The following DPP10 variants were observed in gnomAD, a reference collection of about 807,000 sequenced individuals.
DPP10 encodes inactive dipeptidyl peptidase 10.
In DPP10, 33 loss-of-function variants were observed where a neutral mutation model predicts 120.9. That is an observed-to-expected ratio of 0.27 (90% CI 0.21 to 0.37). DPP10 has a LOEUF of 0.37. Among genes scored for constraint, DPP10 ranks in the 10% least tolerant of loss-of-function variants. DPP10 has a pLI of 1.00. For missense variants in DPP10, 816 were observed against 942.8 expected, an observed-to-expected ratio of 0.87 and a Z score of 1.76; for synonymous variants, 337 against 326.1, an observed-to-expected ratio of 1.03 and a Z score of -0.36.
intron 1 of DPP10, among the ~76,000 whole-genome samples, chr2:114,875,522 C>A (rs547982240): frequency 6.6e-6 from 1 of 152,042 alleles, no homozygotes; most frequent in African/African-American, 2.4e-5. Context: ...CTAATAAGTT[C>A]GGCCCAAATT....
At chr2:115,198,574 C>T (rs914113603) in intron 1 of DPP10, among the ~76,000 whole-genome samples, 2 of 152,164 alleles carry the variant, frequency 1.3e-5, no homozygotes, top group Admixed American at 6.5e-5. Context: ...ATGTGTTACT[C>T]CTTCAGCTTC....
intron 5 of DPP10, among the ~76,000 whole-genome samples, chr2:115,546,796 C>T (rs2079528138): frequency 6.6e-5 from 10 of 152,142 alleles, no homozygotes. Flanking sequence ...TGGTGGACAG[C>T]ATGAAAATGT....
intron 4 of DPP10, among the ~76,000 whole-genome samples, chr2:115,509,345 C>A (rs1164117485): frequency 6.6e-6 from 1 of 151,882 alleles, no homozygotes; most frequent in African/African-American, 2.4e-5. Context: ...TTGGTGATGG[C>A]GGTTAGAATG....
At chr2:115,603,513 T>C (rs2083481029) in intron 5 of DPP10, among the ~76,000 whole-genome samples, 1 of 150,356 alleles carries the variant, frequency 6.7e-6, no homozygotes, top group Non-Finnish European at 1.5e-5. Context: ...ATAACAGAGC[T>C]GGGCTGGAAC....
chr2:114,847,212 G>T (rs1205721964), intron 1 of DPP10, among the ~76,000 whole-genome samples: 1 of 152,036 alleles, frequency 6.6e-6, no homozygotes, highest in East Asian at 1.9e-4. Context: ...CTGAAACTCT[G>T]CTCCTGGCAC....
intron 19 of DPP10, among the ~76,000 whole-genome samples, chr2:115,806,295 C>CA (rs879392806): frequency 1.6e-4 from 24 of 152,098 alleles, no homozygotes; most frequent in Non-Finnish European, 2.9e-4. Context: ...TGTGTTCTCT[C>CA]AAAAAACTGG....
intron 7 of DPP10, among the ~76,000 whole-genome samples, chr2:115,708,215 A>G (rs914189547): frequency 5.9e-5 from 9 of 151,964 alleles, no homozygotes; most frequent in Admixed American, 5.9e-4. Flanking sequence ...TATGTTACAT[A>G]TTGTTTTAAG....
intron 17 of DPP10, among the ~76,000 whole-genome samples, chr2:115,784,861 AT>A (rs1683158023): frequency 6.6e-6 from 1 of 152,054 alleles, no homozygotes; most frequent in Non-Finnish European, 1.5e-5. Flanking sequence ...TCATTTTTTC[AT>A]TTTTGTAGTT....
intron 9 of DPP10, among the ~76,000 whole-genome samples, chr2:115,743,263 G>A (rs543054880): frequency 1.4e-4 from 22 of 152,200 alleles, no homozygotes; most frequent in Non-Finnish European, 1.6e-4. Context: ...ACAAATCTGT[G>A]ATTAGAGAAT....
intron 17 of DPP10, among the ~76,000 whole-genome samples, chr2:115,784,407 G>A (rs901458241): frequency 1.3e-5 from 2 of 152,042 alleles, no homozygotes; most frequent in South Asian, 2.1e-4. Flanking sequence ...TCAAAGAAAC[G>A]CAGAAGAAAC....
intron 4 of DPP10, among the ~76,000 whole-genome samples, chr2:115,502,651 A>G (rs1319148028): frequency 2.0e-5 from 3 of 152,150 alleles, no homozygotes; most frequent in Admixed American, 6.6e-5. Flanking sequence ...CATAAGTCCA[A>G]GCCCCATGTG....
intron 5 of DPP10, among the ~76,000 whole-genome samples, chr2:115,602,413 T>A (rs1336567683): frequency 6.6e-6 from 1 of 152,258 alleles, no homozygotes; most frequent in Non-Finnish European, 1.5e-5. Flanking sequence ...TATATCACAT[T>A]AGTCCATTTC....
At chr2:115,185,214 C>T (rs138170972) in intron 1 of DPP10, among the ~76,000 whole-genome samples, 23 of 149,018 alleles carry the variant, frequency 1.5e-4, no homozygotes, top group East Asian at 1.2e-3. Flanking sequence ...TTCAGGGGTT[C>T]GCTTTTATAG....
chr2:114,867,622 G>A (rs1690347352), intron 1 of DPP10, among the ~76,000 whole-genome samples: 1 of 152,112 alleles, frequency 6.6e-6, no homozygotes, highest in Non-Finnish European at 1.5e-5. Flanking sequence ...GATCTTGCTC[G>A]AACTTTGAAA....
At chr2:115,456,900 A>G (rs1407389639) in intron 3 of DPP10, among the ~76,000 whole-genome samples, 1 of 152,086 alleles carries the variant, frequency 6.6e-6, no homozygotes, top group Non-Finnish European at 1.5e-5. Flanking sequence ...GCAAACCACC[A>G]TGGCACATCT....
rs1685806681 is a variant in DPP10, at chr2:114,529,773, A to ATT, written c.60+86936_60+86937dup. Among the ~76,000 whole-genome samples, 4 of 152,196 alleles carry ATT rather than the reference A, an allele frequency of 2.6e-5. No homozygotes were observed. In the South Asian group the frequency reaches 8.3e-4, roughly 32 times the overall value. On this transcript the variant is annotated intron_variant, in intron 1 of 25. Transcript: ENST00000410059. ...TGTGTCAGGGGGGTTTGTTGTACAG[A>ATT]TTATTTCATCACACAGGTATTAAGC...
intron 1 of DPP10, among the ~76,000 whole-genome samples, chr2:115,152,941 G>A (rs539176005): frequency 1.3e-4 from 20 of 152,312 alleles, no homozygotes; most frequent in African/African-American, 2.9e-4. Context: ...TGAGTAGGAT[G>A]AACATGAACG....
At chr2:115,174,923 A>G (rs1243428280) in intron 1 of DPP10, among the ~76,000 whole-genome samples, 1 of 152,216 alleles carries the variant, frequency 6.6e-6, no homozygotes, top group Non-Finnish European at 1.5e-5. Context: ...GCAGGTGTCT[A>G]TGAAGGCTAG....
Position 114,542,048 on chromosome 2 carries a change from C to CTTTTTTTTTTTTTTTTTTTTTT in DPP10, c.60+99210_60+99211insTTTTTTTTTTTTTTTTTTTTTT, listed in dbSNP as rs761961981. Among the ~76,000 whole-genome samples, 2 of 122,202 alleles carry CTTTTTTTTTTTTTTTTTTTTTT rather than the reference C, an allele frequency of 1.6e-5. 1 individual carries two copies. Among genetic ancestry groups the CTTTTTTTTTTTTTTTTTTTTTT allele is most frequent in the Non-Finnish European group, 3.3e-5 (2 of 60,190 alleles). The allele number at this position is 122,202 out of a possible 152,430, so 80.2% of individuals were successfully genotyped here. ...TACAGTTTTTTTTCTTTCTTTCTTTCCTTTTTTTTTTTTTTTTGAGATGGA... is the reference window on the plus strand; with the variant it reads ...TACAGTTTTTTTTCTTTCTTTCTTTCTTTTTTTTTTTTTTTTTTTTTTCTTTTTTTTTTTTTTTTGAGATGGA... On this transcript the variant is annotated intron_variant, in intron 1 of 25. Transcript: ENST00000410059.
Sources: allele counts gnomAD v4.1 joint callset (sites outside exome capture counted in the v4.1 genomes callset), GRCh38; gene constraint gnomAD v4.1.1; transcripts MANE v1.5; gene names NCBI Gene and HGNC (gene_info 2026-07-23, HGNC 2026-07-21).